The following CNTNAP5 variants were observed in gnomAD, a reference collection of about 807,000 sequenced individuals.
CNTNAP5 encodes the protein contactin associated protein family member 5.
A neutral mutation model predicts 150.2 loss-of-function variants in CNTNAP5; 72 were observed. The observed-to-expected ratio is 0.48, with a 90% CI of 0.40 to 0.58. The LOEUF is 0.58. Ranked by LOEUF, CNTNAP5 falls within the 20% of genes least tolerant of loss-of-function variation. The pLI is 0.00. For synonymous variants in CNTNAP5, 672 were observed against 619.8 expected (o/e 1.08, Z -1.25); for missense variants, 1,636 against 1,626.2 (o/e 1.01, Z -0.10).
intron 1 of CNTNAP5, among the ~76,000 whole-genome samples, chr2:124,054,992 G>T (rs563515713): frequency 6.6e-6 from 1 of 152,210 alleles, no homozygotes; most frequent in South Asian, 2.1e-4. Flanking sequence ...GAGCCAAATG[G>T]GTGGGAGTCT....
chr2:124,820,168 T>C (rs1682454828), intron 19 of CNTNAP5, among the ~76,000 whole-genome samples: 1 of 152,194 alleles, frequency 6.6e-6, no homozygotes, highest in African/African-American at 2.4e-5. Flanking sequence ...GTAAGTTATA[T>C]TAAGCCTTTA....
intron 3 of CNTNAP5, among the ~76,000 whole-genome samples, chr2:124,297,815 TATTATTATTATTA>T (rs1558839201): frequency 1.9e-4 from 15 of 78,142 alleles, no homozygotes; most frequent in South Asian, 3.6e-4. Flanking sequence ...AATTATTTAT[TATTATTATTATTA>T]TTATTATTAT....
chr2:124,377,540 T>TAATTAC (rs1690679749), intron 3 of CNTNAP5, among the ~76,000 whole-genome samples: 2 of 151,964 alleles, frequency 1.3e-5, no homozygotes, highest in Admixed American at 1.3e-4. Context: ...CCAGTCGTGG[T>TAATTAC]GGCATGCGCC....
At chr2:124,048,744 C>G (rs1018270380) in intron 1 of CNTNAP5, among the ~76,000 whole-genome samples, 4 of 152,184 alleles carry the variant, frequency 2.6e-5, no homozygotes, top group African/African-American at 9.6e-5. Context: ...TGACAGTGTG[C>G]ATGCTCAGAC....
intron 7 of CNTNAP5, among the ~76,000 whole-genome samples, chr2:124,491,208 T>C (rs553476495): frequency 1.3e-5 from 2 of 152,072 alleles, no homozygotes; most frequent in Non-Finnish European, 2.9e-5. Flanking sequence ...TTGATTAACA[T>C]CTCTCCATTT....
At chr2:124,184,223 G>C (rs1454798593) in intron 1 of CNTNAP5, among the ~76,000 whole-genome samples, 1 of 152,098 alleles carries the variant, frequency 6.6e-6, no homozygotes, top group African/African-American at 2.4e-5. Context: ...CATTGGATTC[G>C]TATATCTGAA....
At chr2:124,869,971 G>T (rs10210076) in intron 21 of CNTNAP5, among the ~76,000 whole-genome samples, 10,323 of 152,006 alleles carry the variant, frequency 0.068, 1,121 homozygotes, top group African/African-American at 0.23. Flanking sequence ...ATAAAAACTT[G>T]CAAGAGGTAA....
intron 3 of CNTNAP5, among the ~76,000 whole-genome samples, chr2:124,330,188 T>G (rs188969365): frequency 6.6e-6 from 1 of 152,294 alleles, no homozygotes; most frequent in Admixed American, 6.5e-5. Flanking sequence ...CAGGGGCTTC[T>G]ATAGCTTTAT....
intron 13 of CNTNAP5, among the ~76,000 whole-genome samples, chr2:124,745,459 T>G (rs1680584831): frequency 6.6e-6 from 1 of 152,150 alleles, no homozygotes; most frequent in Non-Finnish European, 1.5e-5. Flanking sequence ...CATGCTGTGA[T>G]GACCCACCTA....
At chr2:124,361,790 G>T (rs1379194871) in intron 3 of CNTNAP5, among the ~76,000 whole-genome samples, 5 of 152,084 alleles carry the variant, frequency 3.3e-5, no homozygotes, top group South Asian at 2.1e-4. Context: ...CCCAGAGGTG[G>T]AGCCTACAGA....
At chr2:124,507,471 C>CAAT (rs562144561) in intron 8 of CNTNAP5, among the ~76,000 whole-genome samples, 2 of 151,950 alleles carry the variant, frequency 1.3e-5, no homozygotes, top group South Asian at 4.1e-4. Flanking sequence ...AAAAACAAAA[C>CAAT]AACAACAACA....
chr2:124,583,640 C>T (rs1225277688), intron 11 of CNTNAP5, among the ~76,000 whole-genome samples: 1 of 152,166 alleles, frequency 6.6e-6, no homozygotes, highest in Non-Finnish European at 1.5e-5. Context: ...TAGGGGAAAA[C>T]CACAGGAAAG....
At chr2:124,140,103 C>CA (rs1244098205) in intron 1 of CNTNAP5, among the ~76,000 whole-genome samples, 1 of 151,778 alleles carries the variant, frequency 6.6e-6, no homozygotes, top group Non-Finnish European at 1.5e-5. Context: ...CGGCGCACCA[C>CA]GAGACTATAT....
intron 7 of CNTNAP5, among the ~76,000 whole-genome samples, chr2:124,487,208 C>T (rs905631): frequency 0.47 from 71,608 of 151,956 alleles, 17,008 homozygotes; most frequent in Middle Eastern, 0.59. Context: ...CTCTCTGAAG[C>T]ATATTCAAAT....
chr2:124,359,476 A>G (rs1479963007), intron 3 of CNTNAP5, among the ~76,000 whole-genome samples: 4 of 151,496 alleles, frequency 2.6e-5, no homozygotes, highest in Admixed American at 2.0e-4. Context: ...ACGGCTTTGA[A>G]TGCGTCACAG....
At chr2:124,705,649 A>G (rs1219621108) in intron 13 of CNTNAP5, among the ~76,000 whole-genome samples, 1 of 152,186 alleles carries the variant, frequency 6.6e-6, no homozygotes, top group East Asian at 1.9e-4. Flanking sequence ...GATTTATAAT[A>G]AGAAGAACAT....
chr2:124,163,153 G>T (rs140775058), intron 1 of CNTNAP5, among the ~76,000 whole-genome samples: 1 of 151,870 alleles, frequency 6.6e-6, no homozygotes, highest in African/African-American at 2.4e-5. Context: ...CTTTCATTTC[G>T]CAATGGTGGA....
At chr2:124,583,027 T>C (rs1015559274) in intron 11 of CNTNAP5, among the ~76,000 whole-genome samples, 2 of 152,198 alleles carry the variant, frequency 1.3e-5, no homozygotes, top group African/African-American at 4.8e-5. Context: ...TCATTATTGG[T>C]GATGCCACAT....
intron 3 of CNTNAP5, among the ~76,000 whole-genome samples, chr2:124,360,309 T>C (rs1038875947): frequency 2.7e-5 from 4 of 150,490 alleles, no homozygotes; most frequent in African/African-American, 9.7e-5. Context: ...TCCATTTACA[T>C]TTAAAGTTAA....
Sources: allele counts gnomAD v4.1 joint callset (sites outside exome capture counted in the v4.1 genomes callset), GRCh38; gene constraint gnomAD v4.1.1; transcripts MANE v1.5; gene names NCBI Gene and HGNC (gene_info 2026-07-23, HGNC 2026-07-21).